The following CNKSR2 variants were observed in gnomAD, a reference collection of about 807,000 sequenced individuals.
The protein encoded by CNKSR2 is CNK homolog protein 2.
CNKSR2 carries 14 observed loss-of-function variants against 84.4 expected under a neutral mutation model. The ratio of observed to expected loss-of-function variants is 0.17; its 90% CI spans 0.11 to 0.26. The LOEUF is 0.26. Ranked by LOEUF, CNKSR2 falls within the 10% of genes least tolerant of loss-of-function variation. The pLI is 1.00. For synonymous variants in CNKSR2, 275 were observed against 277.9 expected (o/e 0.99, Z 0.10); for missense variants, 485 against 771.2 (o/e 0.63, Z 4.40).
intron 4 of CNKSR2, among the ~76,000 whole-genome samples, chrX:21,451,534 T>C (rs1048089976): frequency 1.5e-4 from 16 of 109,364 alleles, no homozygotes; most frequent in Non-Finnish European, 2.9e-4. Flanking sequence ...AATGATGAGT[T>C]CATGTCCTTT....
At chrX:21,438,510 G>A (rs2090739934) in intron 3 of CNKSR2, among the ~76,000 whole-genome samples, 1 of 111,073 alleles carries the variant, frequency 9.0e-6, no homozygotes, top group African/African-American at 3.3e-5. Context: ...AATAATGATA[G>A]AGCACTATCT....
At chrX:21,456,132 A>G (rs1457644753) in intron 4 of CNKSR2, among the ~76,000 whole-genome samples, 1 of 111,903 alleles carries the variant, frequency 8.9e-6, no homozygotes, top group Non-Finnish European at 1.9e-5. Flanking sequence ...GCTTTGATGT[A>G]TGTACACATT....
chrX:21,636,844 A>T (rs1388354446), intron 20 of CNKSR2, among the ~76,000 whole-genome samples: 1 of 110,823 alleles, frequency 9.0e-6, no homozygotes, highest in African/African-American at 3.3e-5. Context: ...ACCTTTACTG[A>T]ACGATATATT....
intron 6 of CNKSR2, chrX:21,491,934 C>T (rs1166746656): frequency 9.0e-6 from 1 of 111,049 alleles, no homozygotes; most frequent in Non-Finnish European, 1.9e-5. Context: ...ACTAATACAA[C>T]ATTGTATTAA....
At chrX:21,567,067 G>T (rs763911186) in intron 13 of CNKSR2, among the ~76,000 whole-genome samples, 17 of 111,487 alleles carry the variant, frequency 1.5e-4, no homozygotes, top group African/African-American at 5.5e-4. Context: ...TGCTGAGAAT[G>T]CTTTTATCTC....
chrX:21,390,699 A>G (rs1350679515), intron 1 of CNKSR2, among the ~76,000 whole-genome samples: 1 of 111,813 alleles, frequency 8.9e-6, no homozygotes, highest in Non-Finnish European at 1.9e-5. Flanking sequence ...GGCCTCTCCC[A>G]AATCTCATGT....
chrX:21,394,259 T>C lies in CNKSR2; in HGVS notation c.64+19298T>C, dbSNP rs926181555. ...TTAATGGAAAAGAATTTTTTAAGTA[T>C]TCCAGTTTAGAAATAAATTACTAGA... On this transcript the variant is annotated intron_variant, in intron 1 of 21. Transcript: ENST00000379510. 3.6e-5 allele frequency among the ~76,000 whole-genome samples: 4 copies of C among 111,910 alleles called. No homozygotes were observed. The Admixed American group carries it at 3.8e-4, about 11-fold the overall frequency.
intron 5 of CNKSR2, among the ~76,000 whole-genome samples, chrX:21,486,645 G>T (rs950654965): frequency 8.9e-6 from 1 of 111,947 alleles, no homozygotes; most frequent in Admixed American, 9.5e-5. Flanking sequence ...CACATGGTAG[G>T]TGATCTACAA....
intron 13 of CNKSR2, among the ~76,000 whole-genome samples, chrX:21,576,665 G>A (rs1013959754): frequency 5.4e-5 from 6 of 110,787 alleles, no homozygotes; most frequent in Admixed American, 1.9e-4. Flanking sequence ...AATAAAATAG[G>A]CGATATCACT....
intron 5 of CNKSR2, 46 bp downstream of exon 5, chrX:21,470,853 C>T: frequency 2.8e-6 from 2 of 722,259 alleles, no homozygotes; most frequent in Non-Finnish European, 4.0e-6. Context: ...AGGATATTTC[C>T]TTGTTCAACT....
At chrX:21,642,104 A>C in intron 20 of CNKSR2, 1 of 750,731 alleles carries the variant, frequency 1.3e-6, no homozygotes. Context: ...TTGCATTTTT[A>C]AAACTTGACG....
chrX:21,446,240 A>G (rs73449439), intron 4 of CNKSR2, among the ~76,000 whole-genome samples: 2,025 of 111,360 alleles, frequency 0.018, 56 homozygotes, highest in African/African-American at 0.063. Context: ...ATCAGAAATA[A>G]TACCCAGATA....
At chrX:21,394,820 T>C (rs2090099534) in intron 1 of CNKSR2, among the ~76,000 whole-genome samples, 1 of 111,920 alleles carries the variant, frequency 8.9e-6, no homozygotes, top group Non-Finnish European at 1.9e-5. Context: ...ACTGAATCTG[T>C]GCAATGAAAA....
chrX:21,650,580 A>G (rs969718144), intron 21 of CNKSR2, among the ~76,000 whole-genome samples: 5 of 111,671 alleles, frequency 4.5e-5, no homozygotes, highest in Non-Finnish European at 9.4e-5. Context: ...ATAATTAAAA[A>G]AAAAAAGAAC....
intron 20 of CNKSR2, among the ~76,000 whole-genome samples, chrX:21,612,711 A>C (rs1449507075): frequency 8.9e-6 from 1 of 111,995 alleles, no homozygotes; most frequent in Non-Finnish European, 1.9e-5. Flanking sequence ...AGTGCTTATG[A>C]GCTTACAGAG....
At position 21,652,733 on chromosome X, in the gene CNKSR2, G is replaced by C; in HGVS notation, c.*212G>C. On this transcript the variant is annotated 3_prime_UTR_variant, in exon 22 of 22. Transcript: ENST00000379510. Reference sequence around the variant, plus strand: ...AGTGCTCAGCTTATGTTTACCATGTGCAAAATCAACTGTCTTTAATGACTT... The same window carrying C: ...AGTGCTCAGCTTATGTTTACCATGTCCAAAATCAACTGTCTTTAATGACTT... 2.9e-6 allele frequency: 1 copy of C among 347,168 alleles called. No individual in the cohort carries two copies. The highest frequency in any genetic ancestry group is 4.6e-5 in the East Asian group (1 of 21,838). The allele number at this position is 347,168 out of a possible 1,213,427, so 28.6% of individuals were successfully genotyped here. A position where few individuals can be genotyped will look rare whatever the true frequency, so the allele number is the denominator to read the frequency against.
intron 8 of CNKSR2, 138 bp downstream of exon 8, chrX:21,501,726 ATTC>A (rs1260376542): frequency 6.9e-4 from 238 of 343,057 alleles, no homozygotes; most frequent in Non-Finnish European, 2.9e-4. Context: ...CTGAATATTT[ATTC>A]TTCTTAATTA....
intron 4 of CNKSR2, among the ~76,000 whole-genome samples, chrX:21,446,537 CTT>C (rs1176530021): frequency 9.0e-6 from 1 of 111,254 alleles, no homozygotes; most frequent in Non-Finnish European, 1.9e-5. Flanking sequence ...GGCATAATAA[CTT>C]ATTATTCCTG....
chrX:21,402,297 A>G (rs775206254), intron 1 of CNKSR2, among the ~76,000 whole-genome samples: 3 of 111,494 alleles, frequency 2.7e-5, no homozygotes, highest in Non-Finnish European at 5.7e-5. Flanking sequence ...TTGTTTATTC[A>G]ATAGAATTTG....
Sources: allele counts gnomAD v4.1 joint callset (sites outside exome capture counted in the v4.1 genomes callset), GRCh38; gene constraint gnomAD v4.1.1; transcripts MANE v1.5; gene names NCBI Gene and HGNC (gene_info 2026-07-23, HGNC 2026-07-21).